Variants in DPP6 observed in about 807,000 individuals in gnomAD.
DPP6 encodes the protein A-type potassium channel modulatory protein DPP6.
In DPP6, 69 loss-of-function variants were observed where a neutral mutation model predicts 122.6. The ratio of observed to expected loss-of-function variants is 0.56; its 90% CI spans 0.46 to 0.69. The LOEUF (loss-of-function observed/expected upper bound fraction) is 0.69. Among genes scored for constraint, DPP6 ranks in the 30% least tolerant of loss-of-function variants. The pLI is 0.00. For missense variants in DPP6, 928 were observed against 1,116.9 expected (o/e 0.83, Z 2.41); for synonymous variants, 418 against 433.1 (o/e 0.97, Z 0.43).
chr7:154,541,200 G>T (rs1828696361), intron 4 of DPP6, among the ~76,000 whole-genome samples: 2 of 152,228 alleles, frequency 1.3e-5, no homozygotes, highest in South Asian at 4.1e-4. Flanking sequence ...TGCAATCATG[G>T]CTCATTTGCA....
intron 2 of DPP6, among the ~76,000 whole-genome samples, chr7:154,471,534 T>C (rs151069697): frequency 6.6e-6 from 1 of 151,610 alleles, no homozygotes; most frequent in Non-Finnish European, 1.5e-5. Flanking sequence ...CATCACCCAT[T>C]TGGGGGAAAG....
chr7:154,849,323 T>C (rs1802194777), intron 16 of DPP6, among the ~76,000 whole-genome samples: 1 of 152,234 alleles, frequency 6.6e-6, no homozygotes. Context: ...GGGATATCTT[T>C]CCATTTATTT....
At chr7:153,995,600 A>AT in intron 1 of DPP6, among the ~76,000 whole-genome samples, 1 of 151,760 alleles carries the variant, frequency 6.6e-6, no homozygotes, top group East Asian at 1.9e-4. Flanking sequence ...AAAAAAAAAA[A>AT]AAAAAAAAGA....
the DPP6 span, among the ~76,000 whole-genome samples, chr7:153,832,024 A>G: frequency 1.3e-5 from 2 of 152,192 alleles, no homozygotes; most frequent in Non-Finnish European, 1.5e-5. Flanking sequence ...GCTGTTTAGG[A>G]GGCTATTCTA....
At chr7:154,867,450 C>T (rs763805423) in intron 17 of DPP6, among the ~76,000 whole-genome samples, 24 of 152,206 alleles carry the variant, frequency 1.6e-4, no homozygotes, top group African/African-American at 4.6e-4. Context: ...AAGGCTCACA[C>T]GACTCCACTG....
chr7:154,663,408 G>A (rs1837901928), intron 6 of DPP6, among the ~76,000 whole-genome samples: 2 of 46,794 alleles, frequency 4.3e-5, no homozygotes, highest in African/African-American at 8.2e-5. Context: ...TATTCATATA[G>A]TCATGATGAA....
intron 1 of DPP6, among the ~76,000 whole-genome samples, chr7:154,086,943 A>G (rs1224615017): frequency 6.6e-6 from 1 of 152,114 alleles, no homozygotes; most frequent in African/African-American, 2.4e-5. Context: ...TAAATATCTC[A>G]CCCACACATA....
At chr7:154,523,257 T>C (rs2129998758) in intron 3 of DPP6, among the ~76,000 whole-genome samples, 1 of 152,350 alleles carries the variant, frequency 6.6e-6, no homozygotes, top group South Asian at 2.1e-4. Flanking sequence ...CCCTATACTG[T>C]ACTCTACAGA....
chr7:153,876,615 C>T, the DPP6 span, among the ~76,000 whole-genome samples: 9 of 152,018 alleles, frequency 5.9e-5, no homozygotes, highest in Non-Finnish European at 4.4e-5. Context: ...TATAACCTAA[C>T]ATCTCAATAA....
At chr7:154,759,026 C>G (rs1478760006) in intron 8 of DPP6, among the ~76,000 whole-genome samples, 1 of 152,192 alleles carries the variant, frequency 6.6e-6, no homozygotes, top group Non-Finnish European at 1.5e-5. Flanking sequence ...TTTGAGGGGC[C>G]TAGAGTCTAT....
chr7:153,850,563 T>G, the DPP6 span, among the ~76,000 whole-genome samples: 1 of 152,300 alleles, frequency 6.6e-6, no homozygotes, highest in South Asian at 2.1e-4. Flanking sequence ...TCTGTTCTCA[T>G]GCTGCTAATA....
chr7:154,023,083 T>C (rs1798782820), intron 1 of DPP6, among the ~76,000 whole-genome samples: 1 of 151,958 alleles, frequency 6.6e-6, no homozygotes, highest in African/African-American at 2.4e-5. Flanking sequence ...ATGCTATATT[T>C]AGTCTCTGTT....
chr7:154,280,427 C>CA (rs1369472369), intron 1 of DPP6, among the ~76,000 whole-genome samples: 1 of 152,160 alleles, frequency 6.6e-6, no homozygotes, highest in African/African-American at 2.4e-5. Flanking sequence ...CCAAACTCCC[C>CA]ACTCACTGAA....
intron 1 of DPP6, among the ~76,000 whole-genome samples, chr7:154,319,459 C>T (rs533078501): frequency 7.9e-5 from 12 of 151,484 alleles, no homozygotes; most frequent in Middle Eastern, 3.4e-3. Flanking sequence ...TTTGGGAGGC[C>T]GAGGCGGGTG....
At chr7:154,851,096 T>C (rs951136734) in intron 16 of DPP6, among the ~76,000 whole-genome samples, 3 of 152,226 alleles carry the variant, frequency 2.0e-5, no homozygotes, top group Non-Finnish European at 2.9e-5. Context: ...GGGGATAAAA[T>C]AGATCACTGT....
chr7:154,729,681 G>C (rs957468827), intron 8 of DPP6, among the ~76,000 whole-genome samples: 1 of 152,152 alleles, frequency 6.6e-6, no homozygotes, highest in African/African-American at 2.4e-5. Flanking sequence ...TTCTCTAACA[G>C]ACATACTGGA....
chr7:154,314,926 C>T (rs1285361231), intron 1 of DPP6, among the ~76,000 whole-genome samples: 4 of 152,220 alleles, frequency 2.6e-5, no homozygotes, highest in Non-Finnish European at 4.4e-5. Context: ...TTTGTGTCCT[C>T]CAGGTAAATC....
At position 154,446,186 on chromosome 7, in the gene DPP6, G is replaced by T. The variant is rs762633052; in HGVS notation, c.244-28G>T. The stretch of plus-strand genomic sequence containing the variant: ...TTTTATTTCCTTATTTCACTCACTG[G>T]GGTTTTCTTTGTTGTTGCTGTTTTT... On this transcript the variant is annotated intron_variant, in intron 1 of 25. Transcript: ENST00000377770. The T allele has an allele frequency of 4.2e-6, 6 of 1,417,620 alleles. No individual in the cohort carries two copies. In the Admixed American group the frequency reaches 1.1e-4, roughly 27 times the overall value. 87.8% of individuals were successfully genotyped at this position (1,417,620 alleles called of 1,614,324 possible).
intron 1 of DPP6, among the ~76,000 whole-genome samples, chr7:153,890,454 T>G (rs1367408472): frequency 6.6e-6 from 1 of 152,218 alleles, no homozygotes; most frequent in African/African-American, 2.4e-5. Flanking sequence ...TCTACAAGAA[T>G]GGTGACAATA....
Sources: gnomAD v4.1 joint callset for allele counts (sites outside exome capture counted in the v4.1 genomes callset) on GRCh38, gnomAD v4.1.1 for gene constraint, MANE v1.5 for transcripts, NCBI Gene and HGNC (gene_info 2026-07-23, HGNC 2026-07-21) for gene names.